The following DMD variants were observed in gnomAD, a reference collection of about 807,000 sequenced individuals.
DMD encodes mutant dystrophin.
DMD carries 63 observed loss-of-function variants against 330.1 expected under a neutral mutation model. The observed-to-expected ratio is 0.19, with a 90% CI of 0.16 to 0.24. The LOEUF (loss-of-function observed/expected upper bound fraction) is 0.24. Among genes scored for constraint, DMD ranks in the 10% least tolerant of loss-of-function variants. The pLI, the probability that DMD is intolerant of heterozygous loss-of-function variation, is 1.00. For synonymous variants in DMD, 1,223 were observed against 959.8 expected (o/e 1.27, Z -5.07); for missense variants, 3,344 against 2,684.1 (o/e 1.25, Z -5.43).
chrX:31,877,109 G>A (rs755798369), intron 47 of DMD, among the ~76,000 whole-genome samples: 8 of 111,613 alleles, frequency 7.2e-5, no homozygotes, highest in South Asian at 7.5e-4. Flanking sequence ...GAAAGTTGTC[G>A]AGAAAAAAAT....
intron 62 of DMD, among the ~76,000 whole-genome samples, chrX:31,287,821 C>G (rs1392673288): frequency 8.9e-6 from 1 of 111,865 alleles, no homozygotes; most frequent in Non-Finnish European, 1.9e-5. Flanking sequence ...ACGTGTACAG[C>G]AAATGGTAAA....
chrX:32,464,723 C>T (rs1400530905), intron 23 of DMD, 24 bp from the exon 24 acceptor site: 7 of 1,030,343 alleles, frequency 6.8e-6, no homozygotes, highest in Non-Finnish European at 8.2e-6. Context: ...CGTTATAAGG[C>T]ATTACTGGTG....
chrX:32,806,171 G>A (rs994735963), intron 7 of DMD, among the ~76,000 whole-genome samples: 10 of 112,020 alleles, frequency 8.9e-5, no homozygotes, highest in African/African-American at 2.9e-4. Flanking sequence ...CAAATGGTGT[G>A]CTGTAGTCAG....
intron 7 of DMD, among the ~76,000 whole-genome samples, chrX:32,776,964 T>A (rs144289643): frequency 2.5e-3 from 278 of 111,014 alleles, no homozygotes; most frequent in East Asian, 0.011. Context: ...ACATACTGCA[T>A]TCTATGCACT....
chrX:31,300,777 G>A (rs769603617), intron 62 of DMD, among the ~76,000 whole-genome samples: 13 of 111,317 alleles, frequency 1.2e-4, no homozygotes, highest in Non-Finnish European at 2.3e-4. Flanking sequence ...TATTATTTTT[G>A]TTATGACACG....
rs974157850 is a variant in DMD, at chrX:32,093,216, C to G, written c.6438+123700G>C. On this transcript the variant is annotated intron_variant, in intron 44 of 78. Coordinates refer to ENST00000357033, the MANE Select transcript of DMD (RefSeq NM_004006.3). ...GTGTGTTTAATATAAATTAAAGCAGCAATTTCTGTTTCATACCACATTTTC... is the reference window on the plus strand; with the variant it reads ...GTGTGTTTAATATAAATTAAAGCAGGAATTTCTGTTTCATACCACATTTTC... Among the ~76,000 whole-genome samples, 3 of 112,197 alleles carry G rather than the reference C, an allele frequency of 2.7e-5. No individual in the cohort carries two copies. The South Asian group carries it at 1.1e-3, about 41-fold the overall frequency.
At chrX:31,403,946 C>T (rs2061304204) in intron 60 of DMD, among the ~76,000 whole-genome samples, 1 of 111,461 alleles carries the variant, frequency 9.0e-6, no homozygotes, top group South Asian at 3.7e-4. Flanking sequence ...AAATTTTAGA[C>T]TGATTTAAAC....
At chrX:31,429,188 GA>G (rs908053422) in intron 60 of DMD, among the ~76,000 whole-genome samples, 11 of 110,495 alleles carry the variant, frequency 1.0e-4, no homozygotes, top group African/African-American at 3.6e-4. Context: ...GGAAAAACCA[GA>G]AAAAACAGGA....
At chrX:32,071,135 G>A (rs771619940) in intron 44 of DMD, among the ~76,000 whole-genome samples, 1 of 111,122 alleles carries the variant, frequency 9.0e-6, no homozygotes, top group South Asian at 3.8e-4. Context: ...ACATGTGCAT[G>A]TGTCTTTACA....
At chrX:31,998,184 C>T (rs1478961328) in intron 44 of DMD, among the ~76,000 whole-genome samples, 2 of 111,585 alleles carry the variant, frequency 1.8e-5, no homozygotes, top group East Asian at 5.7e-4. Context: ...GTTTCTTTAC[C>T]CTTTGGATTT....
chrX:31,414,624 C>G (rs2061789488), intron 60 of DMD, among the ~76,000 whole-genome samples: 2 of 112,153 alleles, frequency 1.8e-5, no homozygotes, highest in South Asian at 7.4e-4. Context: ...TTAAATCTCT[C>G]CCCAAACCCT....
At chrX:31,274,020 G>A (rs1243744532) in intron 62 of DMD, among the ~76,000 whole-genome samples, 2 of 112,337 alleles carry the variant, frequency 1.8e-5, no homozygotes, top group Non-Finnish European at 3.8e-5. Flanking sequence ...AGAGAACTCA[G>A]TATGTTCAGG....
chrX:32,043,702 C>A (rs1411890431), intron 44 of DMD, among the ~76,000 whole-genome samples: 1 of 111,488 alleles, frequency 9.0e-6, no homozygotes, highest in Non-Finnish European at 1.9e-5. Flanking sequence ...TTAACTGAGG[C>A]TTACGTAGGT....
intron 62 of DMD, among the ~76,000 whole-genome samples, chrX:31,322,508 G>C (rs2056497769): frequency 8.9e-6 from 1 of 111,911 alleles, no homozygotes. Context: ...ACCTCATCTG[G>C]AAAAATGTAA....
Position 31,295,225 on chromosome X carries a change from G to A in DMD, c.9224+28373C>T, listed in dbSNP as rs777647953. The stretch of plus-strand genomic sequence containing the variant: ...TTAGCCAGGATGATCTCGATCTCCC[G>A]ACCTTGTGATCCGCCCACCTCGGCC... On this transcript the variant is annotated intron_variant, in intron 62 of 78. Transcript: ENST00000357033. Among the ~76,000 whole-genome samples the A allele has an allele frequency of 2.4e-3, 265 of 110,334 alleles. 1 individual carries two copies. The highest frequency in any genetic ancestry group is 7.9e-3 in the African/African-American group (239 of 30,357).
chrX:31,628,096 T>C (rs1569141057), intron 54 of DMD, among the ~76,000 whole-genome samples: 1 of 111,314 alleles, frequency 9.0e-6, no homozygotes, highest in Non-Finnish European at 1.9e-5. Flanking sequence ...GAATGACAAT[T>C]ACAGATTTCT....
At chrX:32,960,299 T>G (rs1013016344) in intron 2 of DMD, 1 of 110,066 alleles carries the variant, frequency 9.1e-6, no homozygotes, top group African/African-American at 3.3e-5. Context: ...TTAGCTAGGC[T>G]CCTCTGAGCC....
At chrX:31,267,955 GGCTT>G (rs1303413947) in intron 62 of DMD, among the ~76,000 whole-genome samples, 4 of 111,958 alleles carry the variant, frequency 3.6e-5, no homozygotes, top group African/African-American at 1.3e-4. Context: ...TTATTTTGTT[GGCTT>G]GCTTTTCTTT....
intron 1 of DMD, 33 bp downstream of exon 1, chrX:33,211,249 A>T: frequency 8.3e-7 from 1 of 1,200,735 alleles, no homozygotes; most frequent in Non-Finnish European, 1.1e-6. Context: ...GTTATGCCAC[A>T]GTAAAATATA....
Sources: allele counts gnomAD v4.1 joint callset (sites outside exome capture counted in the v4.1 genomes callset), GRCh38; gene constraint gnomAD v4.1.1; transcripts MANE v1.5; gene names NCBI Gene and HGNC (gene_info 2026-07-23, HGNC 2026-07-21).